The following LRFN5 variants were observed in gnomAD, a reference collection of about 807,000 sequenced individuals.
LRFN5 encodes leucine-rich repeat and fibronectin type-III domain-containing protein 5.
In LRFN5, 24 loss-of-function variants were observed where a neutral mutation model predicts 45.6. The ratio of observed to expected loss-of-function variants is 0.53; its 90% CI spans 0.38 to 0.74. The LOEUF (loss-of-function observed/expected upper bound fraction) is 0.74. LRFN5 is among the 30% of genes least tolerant of loss of function. The pLI is 0.00. For missense variants in LRFN5, 776 were observed against 861.5 expected (o/e 0.90, Z 1.24); for synonymous variants, 340 against 313.8 (o/e 1.08, Z -0.88).
chr14:41,775,175 C>G (rs1886240666), intron 2 of LRFN5, among the ~76,000 whole-genome samples: 1 of 138,292 alleles, frequency 7.2e-6, no homozygotes, highest in African/African-American at 2.7e-5. Flanking sequence ...AATGCAAGCT[C>G]CGCCTCCCGG....
At chr14:41,670,221 A>G (rs1441049740) in intron 1 of LRFN5, among the ~76,000 whole-genome samples, 4 of 132,096 alleles carry the variant, frequency 3.0e-5, no homozygotes, top group African/African-American at 8.7e-5. Flanking sequence ...GTGTGTATAT[A>G]TATGTATACA....
At chr14:41,894,404 A>G in intron 4 of LRFN5, 1 of 871,050 alleles carries the variant, frequency 1.1e-6, no homozygotes, top group Non-Finnish European at 1.4e-6. Flanking sequence ...AAATAATTTA[A>G]TGTGATTTAA....
At chr14:41,708,968 T>C (rs1215274774) in intron 1 of LRFN5, among the ~76,000 whole-genome samples, 1 of 52,846 alleles carries the variant, frequency 1.9e-5, no homozygotes, top group African/African-American at 1.8e-4. Flanking sequence ...CCTAATGATA[T>C]TTTGAGCATT....
chr14:41,738,547 T>C lies in LRFN5; in HGVS notation c.-196-28307T>C, dbSNP rs1884547632. On this transcript the variant is annotated intron_variant, in intron 1 of 5. Coordinates refer to ENST00000298119, the MANE Select transcript of LRFN5 (RefSeq NM_152447.5). ...GACAGGATTCTGGGTATAGAATTCT[T>C]TGTCAGAAGTTGTTTTCTTTTTTCT... is the stretch of plus-strand genomic sequence containing the variant. Among the ~76,000 whole-genome samples the C allele has an allele frequency of 1.3e-5, 2 of 152,162 alleles. 1 individual carries two copies. The highest frequency in any genetic ancestry group is 1.3e-4 in the Admixed American group (2 of 15,268).
intron 1 of LRFN5, among the ~76,000 whole-genome samples, chr14:41,722,713 C>A (rs555172052): frequency 1.1e-3 from 162 of 152,280 alleles, no homozygotes; most frequent in African/African-American, 3.6e-3. Flanking sequence ...GTTCATCCTA[C>A]AAGTCAGTAA....
intron 1 of LRFN5, among the ~76,000 whole-genome samples, chr14:41,677,663 TCAG>T (rs1420218271): frequency 6.6e-6 from 1 of 152,082 alleles, no homozygotes; most frequent in African/African-American, 2.4e-5. Context: ...GAAGAGAGAA[TCAG>T]CAGACTTTGA....
intron 1 of LRFN5, among the ~76,000 whole-genome samples, chr14:41,639,803 G>T (rs185452808): frequency 2.8e-4 from 43 of 151,930 alleles, no homozygotes; most frequent in Middle Eastern, 3.4e-3. Context: ...TATTTATTGA[G>T]ATGTGGTCTT....
intron 2 of LRFN5, among the ~76,000 whole-genome samples, chr14:41,866,207 T>C (rs1439703349): frequency 6.6e-6 from 1 of 152,166 alleles, no homozygotes; most frequent in African/African-American, 2.4e-5. Flanking sequence ...ATTAGTTAAG[T>C]TTGGTAAAGG....
At chr14:41,854,259 T>C (rs1265677164) in intron 2 of LRFN5, among the ~76,000 whole-genome samples, 1 of 152,036 alleles carries the variant, frequency 6.6e-6, no homozygotes, top group East Asian at 1.9e-4. Context: ...AGAATTATGG[T>C]TTCCAGCTTC....
At chr14:41,671,388 T>A (rs1437218553) in intron 1 of LRFN5, among the ~76,000 whole-genome samples, 1 of 152,146 alleles carries the variant, frequency 6.6e-6, no homozygotes, top group Non-Finnish European at 1.5e-5. Flanking sequence ...ATTTGTTTGT[T>A]GCTCTGACAT....
chr14:41,719,714 GATGTGTGTGTATATATATGT>G (rs1407471888), intron 1 of LRFN5, among the ~76,000 whole-genome samples: 2 of 151,260 alleles, frequency 1.3e-5, no homozygotes, highest in Admixed American at 1.3e-4. Context: ...TAGATTTTGA[GATGTGTGTGTATATATATGT>G]ATGTGTGTGT....
At chr14:41,661,664 G>T (rs1566608645) in intron 1 of LRFN5, among the ~76,000 whole-genome samples, 1 of 152,120 alleles carries the variant, frequency 6.6e-6, no homozygotes, top group East Asian at 1.9e-4. Flanking sequence ...CACTTATCGT[G>T]TTAGGTGATG....
intron 1 of LRFN5, among the ~76,000 whole-genome samples, chr14:41,669,935 A>G (rs894158206): frequency 7.9e-6 from 1 of 126,102 alleles, no homozygotes; most frequent in Non-Finnish European, 1.6e-5. Flanking sequence ...CTATATAGTT[A>G]AATAAAAAAA....
At chr14:41,696,388 T>C (rs1882610492) in intron 1 of LRFN5, among the ~76,000 whole-genome samples, 1 of 151,898 alleles carries the variant, frequency 6.6e-6, no homozygotes, top group Non-Finnish European at 1.5e-5. Context: ...TTGAAAGAAG[T>C]TCTGTTGGTA....
chr14:41,865,772 A>G (rs1889819484), intron 2 of LRFN5, among the ~76,000 whole-genome samples: 1 of 152,200 alleles, frequency 6.6e-6, no homozygotes, highest in African/African-American at 2.4e-5. Flanking sequence ...TAATGTGTGC[A>G]AAGTGGTATC....
intron 2 of LRFN5, among the ~76,000 whole-genome samples, chr14:41,793,488 C>G (rs1259651383): frequency 6.6e-6 from 1 of 151,902 alleles, no homozygotes; most frequent in Non-Finnish European, 1.5e-5. Context: ...ATTTTCTCAC[C>G]TCATGGTGTA....
At chr14:41,879,331 A>G (rs755383316) in intron 2 of LRFN5, among the ~76,000 whole-genome samples, 1 of 152,018 alleles carries the variant, frequency 6.6e-6, no homozygotes, top group Non-Finnish European at 1.5e-5. Context: ...ATTTAGAAAC[A>G]TAATGAAAAA....
At chr14:41,766,401 G>A (rs1885885053) in intron 1 of LRFN5, among the ~76,000 whole-genome samples, 2 of 151,996 alleles carry the variant, frequency 1.3e-5, no homozygotes, top group African/African-American at 4.8e-5. Context: ...AAAAATATAC[G>A]GGAAAAACAA....
intron 1 of LRFN5, among the ~76,000 whole-genome samples, chr14:41,684,645 C>T (rs1882044635): frequency 6.6e-6 from 1 of 152,026 alleles, no homozygotes; most frequent in African/African-American, 2.4e-5. Flanking sequence ...TATCACTTGC[C>T]ATACAGAAAA....
Sources: allele counts gnomAD v4.1 joint callset (sites outside exome capture counted in the v4.1 genomes callset), GRCh38; gene constraint gnomAD v4.1.1; transcripts MANE v1.5; gene names NCBI Gene and HGNC (gene_info 2026-07-23, HGNC 2026-07-21).